The following APOH variants were observed in gnomAD, a reference collection of about 807,000 sequenced individuals.
APOH encodes the protein beta-2-glycoprotein 1.
In APOH, 48 loss-of-function variants were observed where a neutral mutation model predicts 39.8. The observed-to-expected ratio is 1.21, with a 90% confidence interval of 0.96 to 1.54. APOH has a LOEUF of 1.54. APOH is among the 40% of genes most tolerant of loss of function. APOH has a pLI of 0.00. For missense variants in APOH, 415 were observed against 421.2 expected (o/e 0.99, Z 0.13); for synonymous variants, 153 against 151.1 (o/e 1.01, Z -0.09).
Position 66,228,063 on chromosome 17 carries a change from G to A in APOH, c.198C>T (p.Cys66=). The A allele has an allele frequency of 6.2e-7, 1 of 1,614,168 alleles. No homozygotes were observed. Among genetic ancestry groups the A allele is most frequent in the Non-Finnish European group, 8.5e-7 (1 of 1,180,038 alleles). The change falls in exon 2 of 8, where the codon TGC becomes TGT. Residue 66 remains cysteine, a synonymous_variant. Coordinates refer to ENST00000205948, the MANE Select transcript of APOH (RefSeq NM_000042.3). ...TGATGGGCCACAGTCCTGTGAGAGG[G>A]CAGATAAACTTTCTCATCCCTCCTC... is the stretch of plus-strand genomic sequence containing the variant. ...VSRGGMRKFI[C]PLTGLWPINT... is the part of the protein sequence containing the mutation.
intron 2 of APOH, among the ~76,000 whole-genome samples, chr17:66,226,668 G>A (rs951617279): frequency 1.3e-5 from 2 of 151,644 alleles, no homozygotes; most frequent in South Asian, 4.2e-4. Flanking sequence ...TCAGGGGACT[G>A]TTTTAATTAA....
Position 66,214,523 on chromosome 17 carries a change from T to C in APOH, c.912A>G (p.Glu304=), listed in dbSNP as rs997896529. 2 of 1,614,056 alleles carry C rather than the reference T, an allele frequency of 1.2e-6. No individual in the cohort carries two copies. The highest frequency in any genetic ancestry group is 1.7e-5 in the Admixed American group (1 of 59,990). The change falls in exon 7 of 8, where the codon GAA becomes GAG. Residue 304 remains glutamate (E), a synonymous_variant. Coordinates refer to ENST00000205948, the MANE Select transcript of APOH (RefSeq NM_000042.3). ...CATCCTCTGTATAGCTACACTTCTT[T>C]TCCTTATTTTTGCAGAAGAAAGAAA... ...DKVSFFCKNK[E]KKCSYTEDAQ...
At position 66,220,713 on chromosome 17, in the gene APOH, T is replaced by C; in HGVS notation, c.445A>G (p.Thr149Ala). The C allele has an allele frequency of 6.2e-7, 1 of 1,613,376 alleles. No individual in the cohort carries two copies. The highest frequency in any genetic ancestry group is 1.7e-5 in the Admixed American group (1 of 59,984). Residue 149 changes from threonine (T) to alanine (A), a missense_variant, in exon 5 of 8, where the codon ACG (threonine) becomes GCG (alanine). By Grantham distance (58) the Thr-to-Ala change is moderately conservative. Coordinates refer to ENST00000205948, the MANE Select transcript of APOH (RefSeq NM_000042.3). ...TTATAAACACGAAGTGTTGCAAACG[T>C]AGGTATGGATGGTGGAGGGCAGATG... The part of the protein sequence containing the change: ...PIICPPPSIP[T>A]FATLRVYKPS...
intron 5 of APOH, among the ~76,000 whole-genome samples, chr17:66,217,532 G>C (rs756049392): frequency 6.6e-6 from 1 of 152,098 alleles, no homozygotes; most frequent in Non-Finnish European, 1.5e-5. Flanking sequence ...GCTGCAGTGC[G>C]AGAAAGCAAG....
Position 66,222,353 on chromosome 17 carries a change from C to T in APOH, c.415+1345G>A, listed in dbSNP as rs574398648. On this transcript the variant is annotated intron_variant, in intron 4 of 7. Coordinates refer to ENST00000205948, the MANE Select transcript of APOH (RefSeq NM_000042.3). The stretch of plus-strand genomic sequence containing the variant: ...GAGCTGTGATCACGCCACTGCACTC[C>T]GGCCTGGGCAACAGAGCAAGACCCT... Among the ~76,000 whole-genome samples the T allele has an allele frequency of 3.3e-5, 5 of 152,192 alleles. No homozygotes were observed. The East Asian group carries it at 5.8e-4, about 18-fold the overall frequency.
intron 4 of APOH, among the ~76,000 whole-genome samples, chr17:66,222,935 T>G (rs1046504165): frequency 6.6e-6 from 1 of 152,164 alleles, no homozygotes; most frequent in Non-Finnish European, 1.5e-5. Flanking sequence ...AGTATTGAAA[T>G]GCCTGGGCCT....
chr17:66,221,884 A>T (rs1329534823), intron 4 of APOH, among the ~76,000 whole-genome samples: 1 of 152,158 alleles, frequency 6.6e-6, no homozygotes, highest in Non-Finnish European at 1.5e-5. Context: ...TGCTGCTCAA[A>T]ATGTGGTCCA....
In APOH at chr17:66,214,648, A is replaced by T. The variant is rs1398791321; in HGVS notation, c.787T>A (p.Ser263Thr). 1 of 1,610,368 alleles carries T rather than the reference A, an allele frequency of 6.2e-7. No individual in the cohort carries two copies. Among genetic ancestry groups the T allele is most frequent in the East Asian group, 2.2e-5 (1 of 44,820 alleles). ...NWSAMPSCKA[S>T]CKVPVKKATV... is the part of the protein sequence containing the mutation. ...GCTTTTTTCACAGGTACTTTACAAG[A>T]TGCTGAAAGAGAGAATACTTGTAAT... The change falls in exon 7 of 8, where the codon TCT (serine) becomes ACT (threonine). Residue 263 changes from serine (S) to threonine (T), a missense_variant and splice_region_variant. Around this residue, in one of 3 missense-constraint regions of APOH, gnomAD observed 120 missense variants for 110.6 expected, o/e 1.08. Transcript: ENST00000205948.
At position 66,223,824 on chromosome 17, in the gene APOH, A is replaced by G. The variant is rs763427234; in HGVS notation, c.339-50T>C. The G allele has an allele frequency of 2.7e-6, 4 of 1,490,174 alleles. No homozygotes were observed. The South Asian group carries it at 3.4e-5, about 13-fold the overall frequency. The allele number at this position is 1,490,174 out of a possible 1,614,324, so 92.3% of individuals were successfully genotyped here. A position where few individuals can be genotyped will look rare whatever the true frequency, so the allele number is the denominator to read the frequency against. The stretch of plus-strand genomic sequence containing the variant: ...CAAGGAGTAAAATAATCCATCACTG[A>G]CATCTCAAATATCTTCTCCATTGAG... On this transcript the variant is annotated intron_variant, in intron 3 of 7. Coordinates refer to ENST00000205948, the MANE Select transcript of APOH (RefSeq NM_000042.3).
chr17:66,213,850 G>T (rs2073348883), intron 7 of APOH, among the ~76,000 whole-genome samples: 1 of 151,912 alleles, frequency 6.6e-6, no homozygotes, highest in South Asian at 2.1e-4. Flanking sequence ...AGGTGAAAGG[G>T]TCACTTGAGC....
At chr17:66,225,221 A>G (rs1306553986) in intron 3 of APOH, among the ~76,000 whole-genome samples, 1 of 152,186 alleles carries the variant, frequency 6.6e-6, no homozygotes, top group Non-Finnish European at 1.5e-5. Context: ...ATCCCAGTAG[A>G]AACTTACCCT....
chr17:66,214,174 C>T (rs1300091373), intron 7 of APOH, among the ~76,000 whole-genome samples: 1 of 152,150 alleles, frequency 6.6e-6, no homozygotes, highest in Non-Finnish European at 1.5e-5. Flanking sequence ...ATGCTCCTGC[C>T]TCAGCCTCCC....
intron 3 of APOH, among the ~76,000 whole-genome samples, chr17:66,224,741 A>G (rs1406945220): frequency 1.4e-5 from 2 of 145,244 alleles, no homozygotes; most frequent in Admixed American, 7.0e-5. Context: ...AGGAAAGGAA[A>G]GGAAAGGAAA....
chr17:66,222,748 T>C, intron 4 of APOH, among the ~76,000 whole-genome samples: 1 of 152,050 alleles, frequency 6.6e-6, no homozygotes, highest in African/African-American at 2.4e-5. Flanking sequence ...ATTTTATATT[T>C]TTAGTAGAGA....
At position 66,223,698 on chromosome 17, in the gene APOH, G is replaced by C. The variant is rs141252899; in HGVS notation, c.415C>G (p.Pro139Ala). 6.2e-7 allele frequency: 1 copy of C among 1,614,066 alleles called. No homozygotes were observed. Among genetic ancestry groups the C allele is most frequent in the East Asian group, 2.2e-5 (1 of 44,886 alleles). ...KWSPELPVCA[P>A]IICPPPSIPT... Reference sequence around the variant, plus strand: ...CTGATCACCTTGCCCACAGACTTACGAGCACAGACAGGAAGCTCCGGGCTC... The same window carrying C: ...CTGATCACCTTGCCCACAGACTTACCAGCACAGACAGGAAGCTCCGGGCTC... Residue 139 changes from proline (P) to alanine (A), a missense_variant and splice_region_variant, in exon 4 of 8, where the codon CCC becomes GCC. Physicochemically the swap from Pro to Ala is conservative, Grantham distance 27. Around this residue, in one of 3 missense-constraint regions of APOH, gnomAD observed 288 missense variants for 284.9 expected, o/e 1.01. Transcript: ENST00000205948.
At chr17:66,214,298 A>G (rs2073351423) in intron 7 of APOH, among the ~76,000 whole-genome samples, 155 bp downstream of exon 7, 1 of 152,138 alleles carries the variant, frequency 6.6e-6, no homozygotes, top group Non-Finnish European at 1.5e-5. Flanking sequence ...ACCTCAGGTG[A>G]TCCACCCGCC....
At chr17:66,221,764 T>C (rs1598552263) in intron 4 of APOH, among the ~76,000 whole-genome samples, 1 of 152,180 alleles carries the variant, frequency 6.6e-6, no homozygotes, top group African/African-American at 2.4e-5. Flanking sequence ...AGAGAGATAG[T>C]AGTGGCTTGT....
At chr17:66,226,657 A>G (rs1027009932) in intron 2 of APOH, among the ~76,000 whole-genome samples, 1 of 151,830 alleles carries the variant, frequency 6.6e-6, no homozygotes, top group Non-Finnish European at 1.5e-5. Context: ...CTAAGGGTTC[A>G]TCAGGGGACT....
intron 3 of APOH, among the ~76,000 whole-genome samples, chr17:66,225,396 T>C (rs1286934905): frequency 3.9e-5 from 6 of 152,200 alleles, no homozygotes; most frequent in African/African-American, 1.4e-4. Flanking sequence ...TTCTCCACTG[T>C]CACACTCCCA....
Sources: allele counts gnomAD v4.1 joint callset (sites outside exome capture counted in the v4.1 genomes callset), GRCh38; gene constraint gnomAD v4.1.1; regional missense constraint gnomAD v4.1.1; transcripts MANE v1.5; gene names NCBI Gene and HGNC (gene_info 2026-07-23, HGNC 2026-07-21).